Variants in ME3 observed in about 807,000 individuals in gnomAD.
ME3 encodes the protein malic enzyme 3.
ME3 carries 48 observed loss-of-function variants against 68.9 expected under a neutral mutation model. The ratio of observed to expected loss-of-function variants is 0.70; its 90% CI spans 0.55 to 0.89. The LOEUF is 0.89. Among genes scored for constraint, ME3 ranks in the 40% least tolerant of loss-of-function variants. The probability of loss-of-function intolerance (pLI) is 0.00; values close to 1 mark genes in which losing one functional copy is unlikely to be tolerated. For missense variants in ME3, 675 were observed against 797.4 expected, an observed-to-expected ratio of 0.85 and a Z score of 1.85; for synonymous variants, 320 against 318.8, an observed-to-expected ratio of 1.00 and a Z score of -0.04.
At chr11:86,546,234 C>T (rs747820243) in intron 4 of ME3, among the ~76,000 whole-genome samples, 11 of 152,146 alleles carry the variant, frequency 7.2e-5, no homozygotes, top group Admixed American at 5.9e-4. Flanking sequence ...CTAAGCAATA[C>T]CATTCAGGAC....
rs974667916 is a variant in ME3, at chr11:86,619,632, T to C, written c.183+52130A>G. Among the ~76,000 whole-genome samples the C allele has an allele frequency of 7.9e-5, 12 of 152,244 alleles. 1 individual carries two copies. Among genetic ancestry groups the C allele is most frequent in the African/African-American group, 2.9e-4 (12 of 41,468 alleles). On this transcript the variant is annotated intron_variant, in intron 2 of 14. Coordinates refer to ENST00000543262, the Ensembl canonical transcript of ME3. The stretch of plus-strand genomic sequence containing the variant: ...CCTTTTGCTTGGTTCTCATTCTTTC[T>C]TGTCCTCTGCCATGTAAGACGTGCT...
At position 86,549,041 on chromosome 11, in the gene ME3, G is replaced by C. The variant is rs150604729; in HGVS notation, c.467+7512C>G. ...TCTGGTCCCATCCCAGACTTGCTCA[G>C]TCTATTTTAACAAGCCCTCCAGGTG... On this transcript the variant is annotated intron_variant, in intron 4 of 14. Coordinates refer to ENST00000543262, the Ensembl canonical transcript of ME3. Among the ~76,000 whole-genome samples the C allele has an allele frequency of 3.6e-3, 544 of 152,332 alleles. 4 individuals carry two copies. The highest frequency in any genetic ancestry group is 5.3e-3 in the Non-Finnish European group (358 of 68,034).
At chr11:86,445,454 A>G (rs1205297457) in intron 13 of ME3, among the ~76,000 whole-genome samples, 1 of 152,266 alleles carries the variant, frequency 6.6e-6, no homozygotes, top group Non-Finnish European at 1.5e-5. Context: ...GGCTTTCACC[A>G]GTGCCTCAGT....
intron 5 of ME3, 51 bp downstream of exon 5, chr11:86,508,741 T>A (rs1953277138): frequency 6.6e-7 from 1 of 1,522,096 alleles, no homozygotes; most frequent in Non-Finnish European, 9.1e-7. Flanking sequence ...TGGTTTAGGC[T>A]GAAATGATTC....
chr11:86,585,873 A>C (rs928666230), intron 2 of ME3, among the ~76,000 whole-genome samples: 8 of 152,186 alleles, frequency 5.3e-5, no homozygotes, highest in African/African-American at 1.9e-4. Context: ...GAGAACCACA[A>C]GATGGGTTGT....
intron 2 of ME3, among the ~76,000 whole-genome samples, chr11:86,669,024 A>G (rs1325515783): frequency 1.3e-5 from 2 of 152,188 alleles, no homozygotes; most frequent in African/African-American, 2.4e-5. Flanking sequence ...TGTTCTATTT[A>G]ACCTCAGCAC....
chr11:86,500,627 T>TA (rs1221962108), intron 5 of ME3, among the ~76,000 whole-genome samples: 1 of 152,204 alleles, frequency 6.6e-6, no homozygotes, highest in East Asian at 1.9e-4. Context: ...CCAAAATACT[T>TA]AACTCTTTAA....
chr11:86,633,565 G>A (rs774688730), intron 2 of ME3, among the ~76,000 whole-genome samples: 3 of 152,190 alleles, frequency 2.0e-5, no homozygotes, highest in South Asian at 2.1e-4. Flanking sequence ...TAGACAGGAC[G>A]CTTAGGGACA....
intron 2 of ME3, among the ~76,000 whole-genome samples, chr11:86,620,053 T>C (rs1404409194): frequency 5.3e-5 from 8 of 151,890 alleles, no homozygotes; most frequent in African/African-American, 1.9e-4. Context: ...AAATAAATAA[T>C]AAAAAGTTAC....
At chr11:86,512,713 T>C (rs1442344011) in intron 4 of ME3, among the ~76,000 whole-genome samples, 1 of 152,074 alleles carries the variant, frequency 6.6e-6, no homozygotes, top group East Asian at 1.9e-4. Flanking sequence ...ACACCAGACT[T>C]TAAGACTTGG....
At chr11:86,449,977 A>G (rs1048512535) in exon 10 of ME3, 8 of 1,613,960 alleles carry the variant, frequency 5.0e-6, no homozygotes, top group Non-Finnish European at 6.8e-6. Flanking sequence ...GGCCATGACA[A>G]GGAGGTGGGC....
At chr11:86,548,820 A>G (rs1956510340) in intron 4 of ME3, among the ~76,000 whole-genome samples, 1 of 152,156 alleles carries the variant, frequency 6.6e-6, no homozygotes, top group Non-Finnish European at 1.5e-5. Flanking sequence ...ACAGGAACCC[A>G]TATTTCATGA....
In ME3 at chr11:86,459,981, G is replaced by C. The variant is rs988033417; in HGVS notation, c.919+5110C>G. Among the ~76,000 whole-genome samples the C allele has an allele frequency of 2.6e-5, 4 of 152,184 alleles. No individual in the cohort carries two copies. The South Asian group carries it at 8.3e-4, about 32-fold the overall frequency. ...TTGCAGGTGGAGGCCAGGGACCCAC[G>C]GAAACTGGGTCAGCAGCACCCTGGA... On this transcript the variant is annotated intron_variant, in intron 8 of 14. Coordinates refer to ENST00000543262, the Ensembl canonical transcript of ME3.
rs148753280 is a variant in ME3, at chr11:86,442,946, A to C, written c.1555-27T>G. On this transcript the variant is annotated intron_variant, in intron 13 of 14. Transcript: ENST00000543262. ...TGGGGAGAAGGAGAGAACCGAGAGG[A>C]ATAAGCTGAGTCTCTGCCTTCCCAA... The C allele has an allele frequency of 2.5e-3, 3,994 of 1,573,970 alleles. 21 individuals are homozygous for C. Among genetic ancestry groups the C allele is most frequent in the South Asian group, 5.1e-3 (455 of 89,826 alleles).
At chr11:86,554,319 T>C (rs1260294812) in intron 4 of ME3, among the ~76,000 whole-genome samples, 1 of 152,156 alleles carries the variant, frequency 6.6e-6, no homozygotes, top group African/African-American at 2.4e-5. Context: ...GGGGAGATGG[T>C]TAATCTTGCC....
intron 4 of ME3, among the ~76,000 whole-genome samples, chr11:86,512,014 C>T (rs1007561025): frequency 6.6e-6 from 1 of 152,134 alleles, no homozygotes; most frequent in Non-Finnish European, 1.5e-5. Context: ...CTCCTGCCCA[C>T]CAAATTATCC....
chr11:86,644,887 A>G (rs1944900000), intron 2 of ME3, among the ~76,000 whole-genome samples: 1 of 152,184 alleles, frequency 6.6e-6, no homozygotes, highest in South Asian at 2.1e-4. Context: ...GACTGGTTAG[A>G]CAGTGGGTGC....
chr11:86,597,619 G>A (rs1040987222), intron 2 of ME3, among the ~76,000 whole-genome samples: 2 of 152,308 alleles, frequency 1.3e-5, no homozygotes, highest in African/African-American at 2.4e-5. Context: ...TAATACCTAC[G>A]TGGGAAATGC....
chr11:86,672,508 G>A (rs947999517), exon 1 of ME3: 1 of 152,278 alleles, frequency 6.6e-6, no homozygotes, highest in Non-Finnish European at 1.5e-5. Context: ...GGCTTCCCCT[G>A]AGGACGCGCG....
Sources: allele counts gnomAD v4.1 joint callset (sites outside exome capture counted in the v4.1 genomes callset), GRCh38; gene constraint gnomAD v4.1.1; transcripts MANE v1.5; gene names NCBI Gene and HGNC (gene_info 2026-07-23, HGNC 2026-07-21).